The following RGPD3 variants were observed in gnomAD, a reference collection of about 807,000 sequenced individuals.
RGPD3 encodes RANBP2 like and GRIP domain containing 3.
RGPD3 carries 62 observed loss-of-function variants against 154.5 expected under a neutral mutation model. The observed-to-expected ratio is 0.40, with a 90% confidence interval of 0.33 to 0.50. RGPD3 has a LOEUF of 0.50. RGPD3 is among the 20% of genes least tolerant of loss of function. RGPD3 has a pLI of 0.59. For synonymous variants in RGPD3, 308 were observed against 607.0 expected (o/e 0.51, Z 7.24); for missense variants, 919 against 1,716.8 (o/e 0.54, Z 8.21).
chr2:106,464,027 G>A (rs1170797728), intron 1 of RGPD3, among the ~76,000 whole-genome samples: 7 of 152,186 alleles, frequency 4.6e-5, no homozygotes, highest in Non-Finnish European at 1.0e-4. Context: ...GACAGTTTTG[G>A]AGGAGCATAA....
Position 106,403,949 on chromosome 2 carries a change from T to C in RGPD3, c.*1270A>G, listed in dbSNP as rs1232035851. ...TTCAGAGAGCATACTATGTGATTAA[T>C]ACATAAATATTAAAAATTATCCAAT... On this transcript the variant is annotated 3_prime_UTR_variant, in exon 23 of 23. Coordinates refer to ENST00000409886, the MANE Select transcript of RGPD3 (RefSeq NM_001144013.2). Among the ~76,000 whole-genome samples the C allele has an allele frequency of 2.6e-5, 4 of 152,234 alleles. No individual in the cohort carries two copies. Among genetic ancestry groups the C allele is most frequent in the South Asian group, 2.1e-4 (1 of 4,834 alleles).
At chr2:106,415,807 C>A (rs1376815478) in intron 21 of RGPD3, 43 bp downstream of exon 21, 3 of 1,610,120 alleles carry the variant, frequency 1.9e-6, no homozygotes, top group Non-Finnish European at 2.5e-6. Context: ...GTCCAGAAAA[C>A]CAAACTGGCA....
Position 106,415,975 on chromosome 2 carries a change from ACC to A in RGPD3, c.4937_4938del (p.Trp1646LeufsTer3), listed in dbSNP as rs1405760724. 1.2e-6 allele frequency: 2 copies of A among 1,611,782 alleles called. No homozygotes were observed. The highest frequency in any genetic ancestry group is 2.2e-5 in the East Asian group (1 of 44,820). On this transcript the variant is annotated frameshift_variant, in exon 21 of 23. Coordinates refer to ENST00000409886, the MANE Select transcript of RGPD3 (RefSeq NM_001144013.2). LOFTEE classifies it high-confidence loss of function. ...AATTCTTCTTTAGTAAATTCAGCAT[ACC>A]ATAATGGAGGCTCTGCAACATGTTG... is the stretch of plus-strand genomic sequence containing the variant. ...FKTPEKEPPL[W>X]YAEFTKEELV...
intron 17 of RGPD3, among the ~76,000 whole-genome samples, chr2:106,432,248 T>C (rs4676170): frequency 0.17 from 25,457 of 147,436 alleles, 4,390 homozygotes; most frequent in East Asian, 0.68. Flanking sequence ...AGGTCAGAAG[T>C]TCAAAACCAG....
chr2:106,450,705 CAAAAAAAAA>C lies in RGPD3; in HGVS notation c.782+1491_782+1499del, dbSNP rs768839840. Among the ~76,000 whole-genome samples the C allele has an allele frequency of 6.8e-3, 293 of 43,252 alleles. 5 individuals carry two copies. The highest frequency in any genetic ancestry group is 0.034 in the African/African-American group (249 of 7,344). The allele number at this position is 43,252 out of a possible 152,430, so 28.4% of individuals were successfully genotyped here. A position where few individuals can be genotyped will look rare whatever the true frequency, so the allele number is the denominator to read the frequency against. On this transcript the variant is annotated intron_variant, in intron 6 of 22. Transcript: ENST00000409886. The stretch of plus-strand genomic sequence containing the variant: ...TGGGTGACAGAGCGAGACTCTGTCT[CAAAAAAAAA>C]AAAAAAAAAAAAAAAAAAAAATTAG...
At chr2:106,462,724 C>T (rs1325797076) in intron 1 of RGPD3, among the ~76,000 whole-genome samples, 1 of 152,062 alleles carries the variant, frequency 6.6e-6, no homozygotes. Context: ...CGCTCTGTCA[C>T]CCATCTTGCA....
At chr2:106,462,763 A>G (rs1331625682) in intron 1 of RGPD3, among the ~76,000 whole-genome samples, 1 of 151,726 alleles carries the variant, frequency 6.6e-6, no homozygotes, top group East Asian at 1.9e-4. Flanking sequence ...TCCCCCTAAA[A>G]TCCTCCAAAA....
At chr2:106,462,790 C>A (rs1484227201) in intron 1 of RGPD3, among the ~76,000 whole-genome samples, 3 of 151,524 alleles carry the variant, frequency 2.0e-5, no homozygotes, top group Non-Finnish European at 2.9e-5. Context: ...CTGTTCTCAA[C>A]AAACCCATCT....
intron 4 of RGPD3, among the ~76,000 whole-genome samples, chr2:106,455,067 A>T (rs1450284149): frequency 6.6e-6 from 1 of 152,202 alleles, no homozygotes; most frequent in East Asian, 1.9e-4. Flanking sequence ...TTGGGAGGCC[A>T]AAGTGGGTGG....
intron 22 of RGPD3, 81 bp from the exon 23 acceptor site, chr2:106,405,310 T>C: frequency 8.2e-7 from 1 of 1,212,376 alleles, no homozygotes; most frequent in Non-Finnish European, 1.1e-6. Context: ...AGAACCACTC[T>C]ACAATATAAG....
intron 1 of RGPD3, among the ~76,000 whole-genome samples, chr2:106,466,884 C>G (rs1455111772): frequency 6.8e-5 from 5 of 73,132 alleles, no homozygotes; most frequent in South Asian, 6.9e-4. Flanking sequence ...AGGCCGCCGC[C>G]GGGCCGGGTC....
At chr2:106,464,092 T>C (rs1172165090) in intron 1 of RGPD3, among the ~76,000 whole-genome samples, 1 of 152,146 alleles carries the variant, frequency 6.6e-6, no homozygotes, top group African/African-American at 2.4e-5. Context: ...ACGCCTGTAA[T>C]CCCGGCACTT....
At chr2:106,405,363 G>C (rs1676480311) in intron 22 of RGPD3, 134 bp from the exon 23 acceptor site, 2 of 1,015,196 alleles carry the variant, frequency 2.0e-6, no homozygotes, top group Non-Finnish European at 2.8e-6. Context: ...TTTTTGTTGG[G>C]TGGGGGGGGT....
chr2:106,466,361 GCCGCCGGGCCGGGTCCAGGCCA>G (rs1336498776), intron 1 of RGPD3, among the ~76,000 whole-genome samples: 1 of 149,668 alleles, frequency 6.7e-6, no homozygotes, highest in African/African-American at 2.5e-5. Flanking sequence ...CATCGAGGCC[GCCGCCGGGCCGGGTCCAGGCCA>G]CCGCCTCAAC....
intron 1 of RGPD3, among the ~76,000 whole-genome samples, chr2:106,466,918 C>G (rs1422859405): frequency 1.8e-5 from 2 of 111,646 alleles, no homozygotes; most frequent in Admixed American, 1.9e-4. Flanking sequence ...CCACAGAGCG[C>G]GCCAGGGAGC....
chr2:106,448,387 G>A (rs1678000835), intron 6 of RGPD3, among the ~76,000 whole-genome samples: 1 of 152,142 alleles, frequency 6.6e-6, no homozygotes, highest in Non-Finnish European at 1.5e-5. Flanking sequence ...CGGGATTACA[G>A]GCATGAGCCA....
upstream of RGPD3, among the ~76,000 whole-genome samples, chr2:106,470,242 T>A (rs1201009421): frequency 6.6e-6 from 1 of 152,268 alleles, no homozygotes; most frequent in Non-Finnish European, 1.5e-5. Context: ...TTCTACAGAT[T>A]TATTGAGTCC....
At chr2:106,415,511 C>T (rs58275194) in intron 21 of RGPD3, among the ~76,000 whole-genome samples, 20,747 of 151,244 alleles carry the variant, frequency 0.14, 2,111 homozygotes, top group East Asian at 0.58. Flanking sequence ...CCTGTCTCTA[C>T]TAAAAATACA....
intron 20 of RGPD3, among the ~76,000 whole-genome samples, chr2:106,421,561 C>A (rs1433316718): frequency 6.6e-6 from 1 of 150,500 alleles, no homozygotes; most frequent in Non-Finnish European, 1.5e-5. Flanking sequence ...TGAAGGCCTT[C>A]AACAGATCCC....
Sources: allele counts gnomAD v4.1 joint callset (sites outside exome capture counted in the v4.1 genomes callset), GRCh38; gene constraint gnomAD v4.1.1; transcripts MANE v1.5; gene names NCBI Gene and HGNC (gene_info 2026-07-23, HGNC 2026-07-21).